The following ST7L variants were observed in gnomAD, a reference collection of about 807,000 sequenced individuals.
ST7L encodes suppressor of tumorigenicity 7 protein-like.
Under a neutral mutation model 72.5 loss-of-function variants are expected in ST7L, and 57 were observed. The observed-to-expected ratio is 0.79, with a 90% CI of 0.64 to 0.98. The LOEUF is 0.98. Ranked by LOEUF, ST7L falls within the 50% of genes least tolerant of loss-of-function variation. The probability of loss-of-function intolerance (pLI) is 0.00; values close to 1 mark genes in which losing one functional copy is unlikely to be tolerated. For synonymous variants in ST7L, 221 were observed against 240.9 expected (o/e 0.92, Z 0.77); for missense variants, 576 against 672.2 (o/e 0.86, Z 1.58).
At chr1:112,561,963 CTT>C (rs1660231078) in intron 11 of ST7L, among the ~76,000 whole-genome samples, 1 of 145,922 alleles carries the variant, frequency 6.9e-6, no homozygotes, top group Non-Finnish European at 1.5e-5. Flanking sequence ...GCTTCTAAAA[CTT>C]TACTTTTTTT....
rs750509079 is a variant in ST7L, at chr1:112,540,852, T to C, written c.1629+1099A>G. The C allele has an allele frequency of 1.4e-4, 183 of 1,289,000 alleles. 1 individual carries two copies. Among genetic ancestry groups the C allele is most frequent in the Non-Finnish European group, 1.8e-4 (181 of 988,386 alleles). 79.8% of individuals were successfully genotyped at this position (1,289,000 alleles called of 1,614,324 possible). A position where few individuals can be genotyped will look rare whatever the true frequency, so the allele number is the denominator to read the frequency against. On this transcript the variant is annotated intron_variant, in intron 14 of 14. Coordinates refer to ENST00000358039, the MANE Select transcript of ST7L (RefSeq NM_017744.5). ...AATATAATTAATCAGCATTTTCTTT[T>C]TGGGTTTTAACTCCTACTACCTGGT...
At chr1:112,603,057 A>C (rs1667678220) in intron 3 of ST7L, among the ~76,000 whole-genome samples, 1 of 152,148 alleles carries the variant, frequency 6.6e-6, no homozygotes, top group South Asian at 2.1e-4. Flanking sequence ...TCTGTCAAGA[A>C]AAAGGAAGAA....
At chr1:112,549,153 G>A (rs929040196) in intron 13 of ST7L, among the ~76,000 whole-genome samples, 2 of 152,150 alleles carry the variant, frequency 1.3e-5, no homozygotes, top group African/African-American at 4.8e-5. Context: ...AGCACTTTAG[G>A]AGGCTGAGGC....
At chr1:112,532,618 T>C (rs1654559386) in intron 14 of ST7L, among the ~76,000 whole-genome samples, 1 of 152,220 alleles carries the variant, frequency 6.6e-6, no homozygotes, top group African/African-American at 2.4e-5. Context: ...TCTAGAATGC[T>C]TGAAATTACA....
rs1659028692 is a variant in ST7L at position 112,555,871 on chromosome 1, C to T, written c.1393G>A (p.Gly465Ser). Residue 465 changes from glycine (G) to serine (S), a missense_variant, in exon 12 of 15, where the codon GGC becomes AGC. By Grantham distance (56) the Gly-to-Ser change is moderately conservative. Around this residue, in one of 3 missense-constraint regions of ST7L, gnomAD observed 511 missense variants for 600.7 expected, o/e 0.85. Transcript: ENST00000358039. ...ACTTTTGGAAAAGAATACTTACTGC[C>T]TTCCCATGTACACTGTAACAGATTA... The part of the protein sequence containing the change: ...ALNLLQCTWE[G>S]TFRMIPYPLE... 1 of 1,523,042 alleles carries T rather than the reference C, an allele frequency of 6.6e-7. No homozygotes were observed. The highest frequency in any genetic ancestry group is 8.8e-7 in the Non-Finnish European group (1 of 1,132,184). 94.3% of individuals were successfully genotyped at this position (1,523,042 alleles called of 1,614,324 possible).
chr1:112,600,875 A>G (rs771394721), intron 3 of ST7L, 27 bp from the exon 4 acceptor site: 76 of 1,587,224 alleles, frequency 4.8e-5, no homozygotes, highest in Non-Finnish European at 6.2e-5. Flanking sequence ...AAAAAGGGGG[A>G]AAAAGAGACA....
Position 112,600,794 on chromosome 1 carries a change from C to T in ST7L, c.506G>A (p.Arg169Lys). Residue 169 changes from arginine (R) to lysine (K), a missense_variant and splice_region_variant, in exon 4 of 15, where the codon AGA (arginine) becomes AAA (lysine). Physicochemically the swap from Arg to Lys is conservative, Grantham distance 26 (BLOSUM62 2). Around this residue, in one of 3 missense-constraint regions of ST7L, gnomAD observed 511 missense variants for 600.7 expected, o/e 0.85. Transcript: ENST00000358039. ...LNLFRGAEYR[R>K]YTWVTGKEPL... is the part of the protein sequence containing the mutation. ...TTATACTGAAAGCAAAATGTAATAC[C>T]TCCTATATTCTGCTCCTCTGAAAAG... 3 of 1,609,668 alleles carry T rather than the reference C, an allele frequency of 1.9e-6. No homozygotes were observed. Among genetic ancestry groups the T allele is most frequent in the Non-Finnish European group, 2.5e-6 (3 of 1,177,528 alleles).
intron 11 of ST7L, among the ~76,000 whole-genome samples, chr1:112,564,854 T>C (rs1660714352): frequency 6.7e-6 from 1 of 150,218 alleles, no homozygotes; most frequent in South Asian, 2.1e-4. Flanking sequence ...TACTATCTTC[T>C]AGGGTGGATA....
At chr1:112,570,570 T>TATATATACACACACACACACAC (rs1183877129) in intron 11 of ST7L, among the ~76,000 whole-genome samples, 3 of 143,372 alleles carry the variant, frequency 2.1e-5, no homozygotes, top group African/African-American at 7.8e-5. Flanking sequence ...TATATATATA[T>TATATATACACACACACACACAC]ACACACACAC....
chr1:112,520,737 T>A, downstream of ST7L: 1 of 588,566 alleles, frequency 1.7e-6, no homozygotes, highest in East Asian at 2.8e-5. Flanking sequence ...TTTCCCGCTC[T>A]GGAGATTTGA....
intron 12 of ST7L, among the ~76,000 whole-genome samples, chr1:112,555,273 G>A (rs1375689997): frequency 6.6e-6 from 1 of 152,034 alleles, no homozygotes. Context: ...CATTAAAAAA[G>A]TTGTAAGTCA....
At chr1:112,598,365 C>T (rs1415080060) in intron 4 of ST7L, among the ~76,000 whole-genome samples, 1 of 151,430 alleles carries the variant, frequency 6.6e-6, no homozygotes, top group Non-Finnish European at 1.5e-5. Flanking sequence ...CTTTGGGAGG[C>T]TGAGGCTGGT....
chr1:112,601,563 G>C (rs1248539815), intron 3 of ST7L, among the ~76,000 whole-genome samples: 1 of 151,302 alleles, frequency 6.6e-6, no homozygotes, highest in Admixed American at 6.6e-5. Flanking sequence ...TTTGTTCTAA[G>C]AGAAAAAAAA....
chr1:112,600,183 G>A (rs1032852466), intron 4 of ST7L, among the ~76,000 whole-genome samples: 1 of 152,070 alleles, frequency 6.6e-6, no homozygotes, highest in African/African-American at 2.4e-5. Context: ...TGGGATTACA[G>A]GTGTCTTCCT....
intron 11 of ST7L, among the ~76,000 whole-genome samples, chr1:112,572,526 T>G (rs574304638): frequency 1.3e-5 from 2 of 152,224 alleles, no homozygotes; most frequent in East Asian, 3.8e-4. Context: ...GTTTATTATA[T>G]CTACCTTCAT....
chr1:112,599,073 A>AAAT (rs1190968815), intron 4 of ST7L, among the ~76,000 whole-genome samples: 13 of 56,992 alleles, frequency 2.3e-4, no homozygotes, highest in Non-Finnish European at 3.1e-4. Flanking sequence ...AAAAAAAAAA[A>AAAT]ATATATATAT....
At chr1:112,617,034 A>G (rs928626812) in intron 1 of ST7L, 139 bp from the exon 2 acceptor site, 1 of 549,368 alleles carries the variant, frequency 1.8e-6, no homozygotes, top group Non-Finnish European at 3.2e-6. Flanking sequence ...AAAAGTTTTA[A>G]TTTGTATATA....
chr1:112,619,243 A>G (rs985744276), upstream of ST7L: 46 of 847,572 alleles, frequency 5.4e-5, no homozygotes, highest in Non-Finnish European at 4.5e-5. Context: ...ACCGGGACCG[A>G]GAAGATTTCG....
chr1:112,568,844 T>TTATAAATATAAA (rs1337407906), intron 11 of ST7L, among the ~76,000 whole-genome samples: 2 of 101,918 alleles, frequency 2.0e-5, no homozygotes, highest in African/African-American at 6.9e-5. Flanking sequence ...ACCCTGTTTT[T>TTATAAATATAAA]TATAAATATA....
Sources: gnomAD v4.1 joint callset for allele counts (sites outside exome capture counted in the v4.1 genomes callset) on GRCh38, gnomAD v4.1.1 for gene constraint, gnomAD v4.1.1 regional missense constraint, MANE v1.5 for transcripts, NCBI Gene and HGNC (gene_info 2026-07-23, HGNC 2026-07-21) for gene names.